MDGA2: variants seen among roughly 807,000 people sequenced by gnomAD.
MDGA2 encodes MAM domain-containing glycosylphosphatidylinositol anchor protein 2.
In MDGA2, 40 loss-of-function variants were observed where a neutral mutation model predicts 117.8. That is an observed-to-expected ratio of 0.34 (90% confidence interval 0.26 to 0.44). The LOEUF (loss-of-function observed/expected upper bound fraction) is 0.44. Among genes scored for constraint, MDGA2 ranks in the 20% least tolerant of loss-of-function variants. The probability of loss-of-function intolerance (pLI) is 1.00; values close to 1 mark genes in which losing one functional copy is unlikely to be tolerated. For synonymous variants in MDGA2, 452 were observed against 439.0 expected (o/e 1.03, Z -0.37); for missense variants, 1,123 against 1,250.6 (o/e 0.90, Z 1.54).
At chr14:47,660,019 C>T (rs1187966588) in intron 1 of MDGA2, among the ~76,000 whole-genome samples, 7 of 151,954 alleles carry the variant, frequency 4.6e-5, no homozygotes, top group Non-Finnish European at 1.0e-4. Context: ...AGAAGGAATT[C>T]ACAAAATCAG....
chr14:47,505,135 T>C (rs1226296046), intron 1 of MDGA2, among the ~76,000 whole-genome samples: 1 of 152,070 alleles, frequency 6.6e-6, no homozygotes, highest in Non-Finnish European at 1.5e-5. Context: ...CTCACTCATA[T>C]GTGGAATCTT....
chr14:47,471,056 G>A (rs1159361476), intron 1 of MDGA2, among the ~76,000 whole-genome samples: 1 of 152,058 alleles, frequency 6.6e-6, no homozygotes, highest in African/African-American at 2.4e-5. Flanking sequence ...TTGGAGGTGA[G>A]GTTGTAAATT....
chr14:47,162,556 T>G (rs1883687937), intron 3 of MDGA2, among the ~76,000 whole-genome samples: 1 of 151,602 alleles, frequency 6.6e-6, no homozygotes, highest in Non-Finnish European at 1.5e-5. Flanking sequence ...GGATTTCATA[T>G]CTTTTTGTAT....
chr14:47,045,282 T>G (rs1277998951), intron 7 of MDGA2, among the ~76,000 whole-genome samples: 1 of 152,230 alleles, frequency 6.6e-6, no homozygotes, highest in African/African-American at 2.4e-5. Context: ...TCAAGTATCT[T>G]GAATTGTTAT....
At chr14:47,380,420 G>T (rs1426944653) in intron 1 of MDGA2, among the ~76,000 whole-genome samples, 1 of 151,950 alleles carries the variant, frequency 6.6e-6, no homozygotes, top group Non-Finnish European at 1.5e-5. Context: ...CAAAAAATCA[G>T]TGAATCCGGG....
intron 9 of MDGA2, among the ~76,000 whole-genome samples, chr14:46,921,855 A>G (rs1464796494): frequency 2.0e-5 from 3 of 152,182 alleles, no homozygotes; most frequent in Non-Finnish European, 4.4e-5. Context: ...TGCTTAGATG[A>G]GTAACATAAA....
At chr14:47,068,179 A>C (rs986590352) in intron 6 of MDGA2, among the ~76,000 whole-genome samples, 1 of 152,058 alleles carries the variant, frequency 6.6e-6, no homozygotes, top group Non-Finnish European at 1.5e-5. Flanking sequence ...GTTTAAGCAT[A>C]GTATGGTTGA....
At chr14:46,972,402 C>A (rs1331029008) in intron 8 of MDGA2, among the ~76,000 whole-genome samples, 2 of 152,104 alleles carry the variant, frequency 1.3e-5, no homozygotes, top group Non-Finnish European at 2.9e-5. Flanking sequence ...TTTGTAGGAT[C>A]TGTCTGAATG....
At chr14:46,923,907 T>C (rs1336248242) in intron 9 of MDGA2, among the ~76,000 whole-genome samples, 5 of 152,026 alleles carry the variant, frequency 3.3e-5, no homozygotes, top group Non-Finnish European at 1.5e-5. Context: ...TTCATAAATA[T>C]ATATATTTTT....
At chr14:46,942,392 A>G (rs1885029416) in intron 9 of MDGA2, among the ~76,000 whole-genome samples, 1 of 152,166 alleles carries the variant, frequency 6.6e-6, no homozygotes, top group African/African-American at 2.4e-5. Context: ...TTCATTTACA[A>G]CACAATAGTA....
intron 8 of MDGA2, among the ~76,000 whole-genome samples, chr14:46,994,179 G>C (rs1217824834): frequency 6.6e-6 from 1 of 152,086 alleles, no homozygotes; most frequent in African/African-American, 2.4e-5. Flanking sequence ...TCAGTGCTCG[G>C]AAGGTAATGC....
chr14:46,869,351 C>CTTTTTTTTTTTTTTTT (rs35619816), intron 14 of MDGA2, among the ~76,000 whole-genome samples: 1 of 119,132 alleles, frequency 8.4e-6, no homozygotes, highest in African/African-American at 3.0e-5. Context: ...CTATGAGATT[C>CTTTTTTTTTTTTTTTT]TTTTTTTTTT....
At chr14:47,117,698 A>G (rs896138111) in intron 5 of MDGA2, among the ~76,000 whole-genome samples, 10 of 152,160 alleles carry the variant, frequency 6.6e-5, no homozygotes, top group African/African-American at 2.4e-4. Flanking sequence ...AAAGTAGTCA[A>G]ATTCATAGAA....
At chr14:47,000,927 A>G (rs1164746286) in intron 8 of MDGA2, among the ~76,000 whole-genome samples, 1 of 152,048 alleles carries the variant, frequency 6.6e-6, no homozygotes, top group Non-Finnish European at 1.5e-5. Flanking sequence ...TATTATTTCA[A>G]TATGACACAC....
At chr14:47,639,952 G>A (rs1264386082) in intron 1 of MDGA2, among the ~76,000 whole-genome samples, 5 of 152,114 alleles carry the variant, frequency 3.3e-5, no homozygotes, top group Admixed American at 2.6e-4. Context: ...CTAGCTTTAA[G>A]CCCAGTACTT....
intron 1 of MDGA2, among the ~76,000 whole-genome samples, chr14:47,458,160 C>CTGTTGCTACTGA (rs1566466988): frequency 6.6e-6 from 1 of 151,932 alleles, no homozygotes; most frequent in African/African-American, 2.4e-5. Context: ...CTGAGTTACA[C>CTGTTGCTACTGA]GTGTTTCTTA....
intron 10 of MDGA2, among the ~76,000 whole-genome samples, chr14:46,913,304 T>A (rs1463776618): frequency 6.6e-6 from 1 of 152,138 alleles, no homozygotes; most frequent in African/African-American, 2.4e-5. Context: ...AAGATTAATC[T>A]ATGCAAGATG....
chr14:47,077,243 G>A (rs1890529652), intron 6 of MDGA2, among the ~76,000 whole-genome samples: 1 of 151,952 alleles, frequency 6.6e-6, no homozygotes, highest in South Asian at 2.1e-4. Context: ...TTTACTTTGT[G>A]TCAGTTGCTT....
At chr14:47,539,832 G>A (rs1895301203) in intron 1 of MDGA2, among the ~76,000 whole-genome samples, 1 of 152,162 alleles carries the variant, frequency 6.6e-6, no homozygotes, top group Admixed American at 6.5e-5. Context: ...GCAGTCACCT[G>A]TAAGGCGTTC....
Sources: gnomAD v4.1 joint callset for allele counts (sites outside exome capture counted in the v4.1 genomes callset) on GRCh38, gnomAD v4.1.1 for gene constraint, MANE v1.5 for transcripts, NCBI Gene and HGNC (gene_info 2026-07-23, HGNC 2026-07-21) for gene names.